VPS4A: variants seen among roughly 807,000 people sequenced by gnomAD.
VPS4A encodes the protein vacuolar protein sorting-associated protein 4A.
In VPS4A, 20 loss-of-function variants were observed where a neutral mutation model predicts 52.3. That is an observed-to-expected ratio of 0.38 (90% confidence interval 0.27 to 0.56). The LOEUF (loss-of-function observed/expected upper bound fraction) is 0.56. Among genes scored for constraint, VPS4A ranks in the 20% least tolerant of loss-of-function variants. The pLI is 0.72. For missense variants in VPS4A, 419 were observed against 575.9 expected (o/e 0.73, Z 2.79); for synonymous variants, 293 against 227.7 (o/e 1.29, Z -2.58).
intron 10 of VPS4A, among the ~76,000 whole-genome samples, chr16:69,323,966 G>A (rs199518408): frequency 0.012 from 1,351 of 114,680 alleles, 21 homozygotes; most frequent in African/African-American, 0.036. Flanking sequence ...AAAAAAAAAA[G>A]AAAGCAAGTT....
In VPS4A at chr16:69,319,378, C is replaced by CT. The variant is rs934421833; in HGVS notation, c.464-8dup. The CT allele has an allele frequency of 1.2e-6, 2 of 1,613,502 alleles. No homozygotes were observed. The highest frequency in any genetic ancestry group is 1.7e-6 in the Non-Finnish European group (2 of 1,179,650). On this transcript the variant is annotated splice_polypyrimidine_tract_variant and intron_variant, in intron 5 of 10. Transcript: ENST00000254950. ...CAGGAGGCCTAACTTCTGTGGTTCT[C>CT]TGTTGCAGGCAAGCGCACCCCCTGG...
At chr16:69,316,395 C>T in intron 3 of VPS4A, 23 bp downstream of exon 3, 1 of 1,612,030 alleles carries the variant, frequency 6.2e-7, no homozygotes, top group South Asian at 1.1e-5. Flanking sequence ...AGCGTCCGCC[C>T]AGGAACCTGG....
rs766072436 is a variant in VPS4A at position 69,320,108 on chromosome 16, G to A, written c.621-33G>A. The A allele has an allele frequency of 1.3e-4, 216 of 1,601,562 alleles. No homozygotes were observed. Among genetic ancestry groups the A allele is most frequent in the Middle Eastern group, 3.4e-4 (2 of 5,878 alleles). On this transcript the variant is annotated intron_variant, in intron 6 of 10. Coordinates refer to ENST00000254950, the MANE Select transcript of VPS4A (RefSeq NM_013245.3). The surrounding 1 kb of genome is among the most constrained non-coding windows in gnomAD (Gnocchi z 4.2). ...AGCCCAGGCGGGCACGGACGTGAAC[G>A]TCTTGTCCTCACCCCCTTTCTCACC...
chr16:69,317,179 C>A (rs1276707339), intron 3 of VPS4A, among the ~76,000 whole-genome samples: 1 of 152,152 alleles, frequency 6.6e-6, no homozygotes, highest in Non-Finnish European at 1.5e-5. Flanking sequence ...GGCCAGGGAT[C>A]TCCAATAAGG....
intron 10 of VPS4A, 75 bp from the exon 11 acceptor site, chr16:69,324,133 G>C: frequency 2.7e-6 from 4 of 1,455,206 alleles, no homozygotes; most frequent in Non-Finnish European, 3.8e-6. Flanking sequence ...CCTCAGCTGC[G>C]CCTGTTGTGT....
Position 69,321,571 on chromosome 16 carries a change from T to A in VPS4A, c.1071+301T>A. The A allele has an allele frequency of 2.4e-6, 1 of 410,900 alleles. No homozygotes were observed. Among genetic ancestry groups the A allele is most frequent in the Non-Finnish European group, 4.5e-6 (1 of 222,324 alleles). 25.5% of individuals were successfully genotyped at this position (410,900 alleles called of 1,614,324 possible). ...GCTCTTGTGCGGGGTGGACACCAAA[T>A]CAGTGTTTGGAAAGTGTTGGATATA... On this transcript the variant is annotated intron_variant, in intron 9 of 10. Transcript: ENST00000254950. This position sits in a 1 kb window ranked among gnomAD's most constrained non-coding sequence, Gnocchi z 4.5.
intron 10 of VPS4A, among the ~76,000 whole-genome samples, chr16:69,323,943 C>CAAAAAAAAAAAA (rs143292768): frequency 6.4e-5 from 7 of 108,652 alleles, no homozygotes; most frequent in African/African-American, 2.3e-4. Flanking sequence ...GACTCCGTCT[C>CAAAAAAAAAAAA]CAAAAAAAAA....
intron 1 of VPS4A, among the ~76,000 whole-genome samples, chr16:69,313,577 A>G (rs8060968): frequency 0.033 from 4,967 of 152,164 alleles, 289 homozygotes; most frequent in African/African-American, 0.11. Flanking sequence ...ACATTTTTTA[A>G]ATGGCTTGAA....
intron 6 of VPS4A, 87 bp downstream of exon 6, chr16:69,319,630 G>T: frequency 6.7e-7 from 1 of 1,489,604 alleles, no homozygotes; most frequent in Non-Finnish European, 9.0e-7. Context: ...ACCTCTCAGA[G>T]GAGTGGTTTG....
chr16:69,321,092 C>A lies in VPS4A; in HGVS notation c.893C>A (p.Ala298Asp). Reference protein sequence around the residue: ...RIYIPLPEEAARAQMFRLHLG... With the variant: ...RIYIPLPEEADRAQMFRLHLG... ...TATATCCCCTTGCCGGAGGAAGCTG[C>A]CCGCGCCCAGATGTTCCGGTTGCAT... is the stretch of plus-strand genomic sequence containing the variant. The change falls in exon 9 of 11, where the codon GCC becomes GAC. Residue 298 changes from alanine to aspartate, a missense_variant. By Grantham distance (126) the Ala-to-Asp change is moderately radical. This residue lies in a region of VPS4A where 185 missense variants were observed against 200.2 expected (regional missense o/e 0.92). Transcript: ENST00000254950. This position sits in a 1 kb window ranked among gnomAD's most constrained non-coding sequence, Gnocchi z 4.5. The A allele has an allele frequency of 6.3e-7, 1 of 1,596,384 alleles. No homozygotes were observed. Among genetic ancestry groups the A allele is most frequent in the Non-Finnish European group, 8.5e-7 (1 of 1,171,604 alleles).
rs1965556829 is a variant in VPS4A, at chr16:69,324,416, TAC to T, written c.*109_*110del. ...GGGCTCCAGGGCTTGTCCCAGTCAATACAGAGTTCCCTCTGCTGTCTGGCCGT... is the reference window on the plus strand; with the variant it reads ...GGGCTCCAGGGCTTGTCCCAGTCAATAGAGTTCCCTCTGCTGTCTGGCCGT... On this transcript the variant is annotated 3_prime_UTR_variant, in exon 11 of 11. Coordinates refer to ENST00000254950, the MANE Select transcript of VPS4A (RefSeq NM_013245.3). The T allele has an allele frequency of 1.4e-5, 17 of 1,210,364 alleles. No homozygotes were observed. The highest frequency in any genetic ancestry group is 4.5e-5 in the African/African-American group (3 of 66,422). The allele number at this position is 1,210,364 out of a possible 1,614,324, so 75.0% of individuals were successfully genotyped here.
At chr16:69,323,566 G>A in intron 10 of VPS4A, 1 of 449,152 alleles carries the variant, frequency 2.2e-6, no homozygotes, top group Non-Finnish European at 4.5e-6. Flanking sequence ...CTGTGACGCA[G>A]TTGCAAAGGC....
rs1045828808 is a variant in VPS4A at position 69,320,964 on chromosome 16, C to T, written c.852-87C>T. 1.9e-5 allele frequency: 27 copies of T among 1,388,976 alleles called. No homozygotes were observed. Among genetic ancestry groups the T allele is most frequent in the South Asian group, 3.8e-5 (3 of 78,042 alleles). The allele number at this position is 1,388,976 out of a possible 1,614,324, so 86.0% of individuals were successfully genotyped here. A position where few individuals can be genotyped will look rare whatever the true frequency, so the allele number is the denominator to read the frequency against. On this transcript the variant is annotated intron_variant, in intron 8 of 10. Coordinates refer to ENST00000254950, the MANE Select transcript of VPS4A (RefSeq NM_013245.3). This position sits in a 1 kb window ranked among gnomAD's most constrained non-coding sequence, Gnocchi z 4.2. The stretch of plus-strand genomic sequence containing the variant: ...GCATCACTGGCCCATGAAATGCGTC[C>T]GTTTCACTCAAATCTTCGTGCCTCC...
Position 69,320,045 on chromosome 16 carries a change from C to T in VPS4A, c.621-96C>T. On this transcript the variant is annotated intron_variant, in intron 6 of 10. Coordinates refer to ENST00000254950, the MANE Select transcript of VPS4A (RefSeq NM_013245.3). The surrounding 1 kb of genome is among the most constrained non-coding windows in gnomAD (Gnocchi z 4.2). The stretch of plus-strand genomic sequence containing the variant: ...AATTCCGGCATGACCGTGGCCTGCG[C>T]CTCCCTGTGGGAAGGGTGAGAAGAG... 6.8e-7 allele frequency: 1 copy of T among 1,471,552 alleles called. No homozygotes were observed. The highest frequency in any genetic ancestry group is 9.1e-7 in the Non-Finnish European group (1 of 1,095,764). The allele number at this position is 1,471,552 out of a possible 1,614,324, so 91.2% of individuals were successfully genotyped here. A position where few individuals can be genotyped will look rare whatever the true frequency, so the allele number is the denominator to read the frequency against.
In VPS4A at chr16:69,318,875, G is replaced by A. The variant is rs1189894737; in HGVS notation, c.396G>A (p.Leu132=). Residue 132 remains leucine, a synonymous_variant, in exon 5 of 11, where the codon CTG becomes CTA. Transcript: ENST00000254950. ...TACGGTGGAACGACGTGGCCGGGCTGGAGGGGGCCAAGGAGGCCCTCAAAG... is the reference window on the plus strand; with the variant it reads ...TACGGTGGAACGACGTGGCCGGGCTAGAGGGGGCCAAGGAGGCCCTCAAAG... ...PNIRWNDVAG[L]EGAKEALKEA... 2 of 1,613,734 alleles carry A rather than the reference G, an allele frequency of 1.2e-6. No individual in the cohort carries two copies. The highest frequency in any genetic ancestry group is 1.7e-5 in the Admixed American group (1 of 60,026).
rs375090646 is a variant in VPS4A at position 69,324,258 on chromosome 16, C to T, written c.1263C>T (p.Asp421=). 8.7e-6 allele frequency: 14 copies of T among 1,613,806 alleles called. No homozygotes were observed. The African/African-American group carries it at 1.1e-4, about 12-fold the overall frequency. The change falls in exon 11 of 11, where the codon GAC becomes GAT. Residue 421 remains aspartate (D), a synonymous_variant. Coordinates refer to ENST00000254950, the MANE Select transcript of VPS4A (RefSeq NM_013245.3). ...LATTRPTVNA[D]DLLKVKKFSE... is the part of the protein sequence containing the mutation. ...CCACCCGGCCCACGGTGAATGCAGA[C>T]GACCTCCTGAAAGTGAAGAAATTCT... is the stretch of plus-strand genomic sequence containing the variant.
intron 10 of VPS4A, chr16:69,322,924 C>T (rs995673389): frequency 2.3e-5 from 8 of 341,288 alleles, no homozygotes; most frequent in South Asian, 1.1e-4. Flanking sequence ...AAAAATTAGC[C>T]GGGTGTGGTG....
intron 1 of VPS4A, among the ~76,000 whole-genome samples, chr16:69,313,129 C>G (rs1363032802): frequency 6.6e-6 from 1 of 151,820 alleles, no homozygotes; most frequent in Non-Finnish European, 1.5e-5. Flanking sequence ...CAGGCACCTC[C>G]CATCACACCC....
At position 69,321,119 on chromosome 16, in the gene VPS4A, T is replaced by C; in HGVS notation, c.920T>C (p.Leu307Pro). 1 of 1,594,964 alleles carries C rather than the reference T, an allele frequency of 6.3e-7. No individual in the cohort carries two copies. The highest frequency in any genetic ancestry group is 8.5e-7 in the Non-Finnish European group (1 of 1,171,034). Reference protein sequence around the residue: ...AARAQMFRLHLGSTPHNLTDA... With the variant: ...AARAQMFRLHPGSTPHNLTDA... ...CGCGCCCAGATGTTCCGGTTGCATC[T>C]CGGGAGCACTCCCCACAACCTCACG... The change falls in exon 9 of 11, where the codon CTC becomes CCC. Residue 307 changes from leucine (L) to proline (P), a missense_variant. Coordinates refer to ENST00000254950, the MANE Select transcript of VPS4A (RefSeq NM_013245.3). This position sits in a 1 kb window ranked among gnomAD's most constrained non-coding sequence, Gnocchi z 4.5.
Sources: allele counts gnomAD v4.1 joint callset (sites outside exome capture counted in the v4.1 genomes callset), GRCh38; gene constraint gnomAD v4.1.1; regional missense constraint gnomAD v4.1.1; non-coding constraint Gnocchi (gnomAD v3.1); transcripts MANE v1.5; gene names NCBI Gene and HGNC (gene_info 2026-07-23, HGNC 2026-07-21).